CNBD1: variants seen among roughly 807,000 people sequenced by gnomAD.
CNBD1 encodes cyclic nucleotide binding domain containing 1, also known as cyclic nucleotide-binding domain-containing protein 1.
CNBD1 carries 71 observed loss-of-function variants against 54.4 expected under a neutral mutation model. The observed-to-expected ratio is 1.30, with a 90% CI of 1.08 to 1.59. The LOEUF is 1.59. Ranked by LOEUF, CNBD1 falls within the 40% of genes most tolerant of loss-of-function variation. The probability of loss-of-function intolerance (pLI) is 0.00; values close to 1 mark genes in which losing one functional copy is unlikely to be tolerated. For missense variants in CNBD1, 659 were observed against 518.0 expected (o/e 1.27, Z -2.64); for synonymous variants, 182 against 170.7 (o/e 1.07, Z -0.51).
At chr8:86,899,854 A>T (rs1293745367) in intron 2 of CNBD1, among the ~76,000 whole-genome samples, 2 of 152,150 alleles carry the variant, frequency 1.3e-5, no homozygotes, top group African/African-American at 4.8e-5. Context: ...TTCTCCTTCA[A>T]GAGTCCTTCC....
intron 10 of CNBD1, among the ~76,000 whole-genome samples, chr8:87,376,183 G>C (rs1253991009): frequency 6.6e-6 from 1 of 151,882 alleles, no homozygotes; most frequent in Non-Finnish European, 1.5e-5. Flanking sequence ...CCATGGGCTG[G>C]GTGGCTTAAA....
chr8:86,870,931 G>A (rs939371613), intron 1 of CNBD1, among the ~76,000 whole-genome samples: 6 of 152,146 alleles, frequency 3.9e-5, no homozygotes, highest in Middle Eastern at 3.2e-3. Context: ...CCAATGGAAT[G>A]TGCCATCATA....
intron 6 of CNBD1, among the ~76,000 whole-genome samples, chr8:87,274,451 A>G (rs1808434308): frequency 6.8e-6 from 1 of 147,322 alleles, no homozygotes; most frequent in African/African-American, 2.6e-5. Flanking sequence ...TGACTTTTTA[A>G]TGATCGCCAT....
At chr8:87,397,821 G>A (rs547681722) in intron 2 of CNBD1, among the ~76,000 whole-genome samples, 1 of 151,980 alleles carries the variant, frequency 6.6e-6, no homozygotes, top group Admixed American at 6.6e-5. Flanking sequence ...ACTGAATCAT[G>A]GGGGCAGGTC....
In CNBD1 at chr8:86,931,539, A is replaced by G. The variant is rs147828065; in HGVS notation, c.273-8057A>G. The stretch of plus-strand genomic sequence containing the variant: ...ACAAGCCCTACTAGGTGATTGGCCT[A>G]CTCCGTTTTCTGTCTTTTCTGAACC... On this transcript the variant is annotated intron_variant, in intron 3 of 10. Transcript: ENST00000518476. 5.4e-4 allele frequency among the ~76,000 whole-genome samples: 81 copies of G among 151,324 alleles called. No homozygotes were observed. In the East Asian group the frequency reaches 0.015, roughly 29 times the overall value.
intron 4 of CNBD1, among the ~76,000 whole-genome samples, chr8:87,181,287 C>T (rs1394202771): frequency 6.6e-6 from 1 of 152,112 alleles, no homozygotes; most frequent in Non-Finnish European, 1.5e-5. Flanking sequence ...ATACATTTGA[C>T]ATGTGTACAC....
intron 9 of CNBD1, among the ~76,000 whole-genome samples, chr8:87,352,173 T>G (rs1029088712): frequency 8.5e-5 from 13 of 152,126 alleles, no homozygotes; most frequent in Non-Finnish European, 1.3e-4. Flanking sequence ...AACATATGTC[T>G]ACACGAAGAC....
At chr8:87,204,319 A>G (rs1356637057) in intron 4 of CNBD1, among the ~76,000 whole-genome samples, 1 of 152,132 alleles carries the variant, frequency 6.6e-6, no homozygotes, top group Non-Finnish European at 1.5e-5. Flanking sequence ...CCTTGTGCCC[A>G]TCTCTCTCTT....
chr8:86,876,578 TC>T (rs1249214197), intron 1 of CNBD1, among the ~76,000 whole-genome samples: 1 of 151,802 alleles, frequency 6.6e-6, no homozygotes, highest in Admixed American at 6.6e-5. Flanking sequence ...CTTTGTTTTC[TC>T]CTTTCCATTT....
intron 6 of CNBD1, among the ~76,000 whole-genome samples, chr8:87,238,777 A>G (rs768325080): frequency 6.6e-6 from 1 of 152,092 alleles, no homozygotes; most frequent in Non-Finnish European, 1.5e-5. Context: ...ACTGTTGAAA[A>G]TGAGATTTTC....
intron 4 of CNBD1, among the ~76,000 whole-genome samples, chr8:87,029,410 A>G (rs1383497513): frequency 6.6e-6 from 1 of 152,232 alleles, no homozygotes; most frequent in Non-Finnish European, 1.5e-5. Context: ...TATAGAGTCA[A>G]CCAAACTTAT....
chr8:87,364,015 CA>C (rs1810582485), intron 10 of CNBD1, among the ~76,000 whole-genome samples: 2 of 151,006 alleles, frequency 1.3e-5, no homozygotes, highest in Non-Finnish European at 3.0e-5. Flanking sequence ...AAATCTTTGA[CA>C]ACCATTTGCT....
chr8:87,102,325 A>AGT (rs1811445542), intron 4 of CNBD1, among the ~76,000 whole-genome samples: 2 of 152,206 alleles, frequency 1.3e-5, no homozygotes, highest in Admixed American at 1.3e-4. Flanking sequence ...GAAGGAAGGC[A>AGT]GTTTACATGT....
At chr8:87,413,205 A>C (rs1276661366) in intron 2 of CNBD1, among the ~76,000 whole-genome samples, 2 of 152,036 alleles carry the variant, frequency 1.3e-5, no homozygotes, top group South Asian at 2.1e-4. Flanking sequence ...AATTACAGCT[A>C]TCTGGGAACA....
chr8:87,385,252 G>A (rs1036618143), downstream of CNBD1, among the ~76,000 whole-genome samples: 1 of 152,134 alleles, frequency 6.6e-6, no homozygotes, highest in Admixed American at 6.6e-5. Context: ...CATCTCACTG[G>A]GGAGTGTTGG....
chr8:87,374,352 T>C (rs908465768), intron 10 of CNBD1, among the ~76,000 whole-genome samples: 2 of 151,818 alleles, frequency 1.3e-5, no homozygotes, highest in African/African-American at 4.8e-5. Flanking sequence ...AAAATGTGTT[T>C]CCTAAGAAAT....
At chr8:87,092,462 T>TG (rs762647445) in intron 4 of CNBD1, among the ~76,000 whole-genome samples, 4 of 149,580 alleles carry the variant, frequency 2.7e-5, no homozygotes, top group Non-Finnish European at 5.9e-5. Flanking sequence ...CACATATGTG[T>TG]GTGTGTGTAT....
At chr8:87,376,595 T>A (rs548008761) in intron 10 of CNBD1, among the ~76,000 whole-genome samples, 6 of 152,096 alleles carry the variant, frequency 3.9e-5, no homozygotes, top group South Asian at 2.1e-4. Context: ...CATTTGGACA[T>A]ATGTATTCAT....
intron 2 of CNBD1, among the ~76,000 whole-genome samples, chr8:87,399,974 G>C (rs1162957510): frequency 1.3e-5 from 2 of 151,704 alleles, no homozygotes; most frequent in Non-Finnish European, 2.9e-5. Flanking sequence ...ACATAACCAA[G>C]ACCACTGGAA....
Sources: allele counts gnomAD v4.1 joint callset (sites outside exome capture counted in the v4.1 genomes callset), GRCh38; gene constraint gnomAD v4.1.1; transcripts MANE v1.5; gene names NCBI Gene and HGNC (gene_info 2026-07-23, HGNC 2026-07-21).